LEF1: variants seen among roughly 807,000 people sequenced by gnomAD.
The protein encoded by LEF1 is lymphoid enhancer binding factor 1, also known as lymphoid enhancer-binding factor 1.
LEF1 carries 14 observed loss-of-function variants against 51.2 expected under a neutral mutation model. The ratio of observed to expected loss-of-function variants is 0.27; its 90% CI spans 0.18 to 0.43. LEF1 has a LOEUF of 0.43. Among genes scored for constraint, LEF1 ranks in the 20% least tolerant of loss-of-function variants. The pLI is 1.00. For synonymous variants in LEF1, 185 were observed against 183.2 expected, an observed-to-expected ratio of 1.01 and a Z score of -0.08; for missense variants, 386 against 512.0, an observed-to-expected ratio of 0.75 and a Z score of 2.37.
At chr4:108,050,347 C>T (rs1372018759) in intron 11 of LEF1, among the ~76,000 whole-genome samples, 4 of 152,120 alleles carry the variant, frequency 2.6e-5, no homozygotes, top group Non-Finnish European at 4.4e-5. Flanking sequence ...CTGGTGGAGC[C>T]GGAAGTGCAG....
intron 4 of LEF1, 63 bp from the exon 5 acceptor site, chr4:108,083,509 C>T (rs1739451684): frequency 2.8e-6 from 3 of 1,068,454 alleles, no homozygotes; most frequent in African/African-American, 1.6e-5. Context: ...AGAAATGCAA[C>T]TACATGTTTT....
intron 3 of LEF1, among the ~76,000 whole-genome samples, chr4:108,099,570 G>GTATATATATA (rs551521155): frequency 1.9e-4 from 13 of 70,196 alleles, no homozygotes; most frequent in East Asian, 1.5e-3. Context: ...GTGTGTGTGT[G>GTATATATATA]TATATATATA....
chr4:108,071,147 T>G (rs531101560), intron 8 of LEF1, among the ~76,000 whole-genome samples: 14 of 152,364 alleles, frequency 9.2e-5, no homozygotes, highest in African/African-American at 3.4e-4. Context: ...TTCTGATATC[T>G]GAGCCCAAGT....
chr4:108,092,915 T>G (rs1269822645), intron 3 of LEF1, among the ~76,000 whole-genome samples: 3 of 16,152 alleles, frequency 1.9e-4, no homozygotes, highest in Non-Finnish European at 2.6e-4. Flanking sequence ...ACAATGAATA[T>G]GTAAAAAAAA....
At chr4:108,161,090 A>C (rs996528044) in intron 3 of LEF1, among the ~76,000 whole-genome samples, 3 of 152,224 alleles carry the variant, frequency 2.0e-5, no homozygotes, top group Non-Finnish European at 4.4e-5. Context: ...TAGTGACACA[A>C]ACACTCAGCC....
Position 108,112,935 on chromosome 4 carries a change from C to T in LEF1, c.415-23678G>A, listed in dbSNP as rs988709750. Among the ~76,000 whole-genome samples the T allele has an allele frequency of 3.9e-5, 6 of 152,200 alleles. No homozygotes were observed. In the East Asian group the frequency reaches 1.2e-3, roughly 29 times the overall value. The stretch of plus-strand genomic sequence containing the variant: ...ACATCCCCCAGCTACCCATTAAGTA[C>T]ACCATTAGACAATGTCATCAAAGCA... On this transcript the variant is annotated intron_variant, in intron 3 of 11. Transcript: ENST00000265165.
At chr4:108,068,177 G>A (rs1738208943) in intron 9 of LEF1, among the ~76,000 whole-genome samples, 1 of 152,060 alleles carries the variant, frequency 6.6e-6, no homozygotes, top group Admixed American at 6.5e-5. Context: ...TGAGGCTGGA[G>A]AATCGCTTAA....
chr4:108,117,771 G>C (rs1250148246), intron 3 of LEF1, among the ~76,000 whole-genome samples: 1 of 152,202 alleles, frequency 6.6e-6, no homozygotes, highest in Non-Finnish European at 1.5e-5. Flanking sequence ...CCCAGCAATG[G>C]GCAGCTCGCC....
chr4:108,122,199 T>G (rs72660430), intron 3 of LEF1, among the ~76,000 whole-genome samples: 1,952 of 152,314 alleles, frequency 0.013, 19 homozygotes, highest in Middle Eastern at 0.02. Context: ...TAGAGATAAG[T>G]TGAAATCTCT....
At chr4:108,076,110 C>T (rs977786559) in intron 8 of LEF1, among the ~76,000 whole-genome samples, 2 of 152,192 alleles carry the variant, frequency 1.3e-5, no homozygotes, top group Non-Finnish European at 2.9e-5. Context: ...TCTCCCCATT[C>T]GTCTCTACTT....
chr4:108,122,529 G>T (rs1481650059), intron 3 of LEF1, among the ~76,000 whole-genome samples: 1 of 152,174 alleles, frequency 6.6e-6, no homozygotes, highest in African/African-American at 2.4e-5. Flanking sequence ...CCAGGCTGGA[G>T]TGCAGTGGTT....
At chr4:108,115,543 T>C (rs905043024) in intron 3 of LEF1, among the ~76,000 whole-genome samples, 2 of 152,182 alleles carry the variant, frequency 1.3e-5, no homozygotes, top group African/African-American at 4.8e-5. Context: ...GAATAGATAA[T>C]TGCTATCAAA....
At chr4:108,136,064 A>C (rs543604879) in intron 3 of LEF1, among the ~76,000 whole-genome samples, 2 of 152,344 alleles carry the variant, frequency 1.3e-5, no homozygotes, top group South Asian at 2.1e-4. Flanking sequence ...AAAATAATGA[A>C]ATCTTTCAAG....
chr4:108,078,204 T>C lies in LEF1; in HGVS notation c.1008+16A>G, dbSNP rs763665005. The C allele has an allele frequency of 1.2e-6, 2 of 1,612,858 alleles. No homozygotes were observed. The highest frequency in any genetic ancestry group is 2.2e-5 in the South Asian group (2 of 90,938). ...CATGGCTACCATGAACATTTACACATGACTCGGCTACTTACCCTTCTGCCA... is the reference window on the plus strand; with the variant it reads ...CATGGCTACCATGAACATTTACACACGACTCGGCTACTTACCCTTCTGCCA... On this transcript the variant is annotated intron_variant, in intron 8 of 11. Transcript: ENST00000265165.
intron 3 of LEF1, among the ~76,000 whole-genome samples, chr4:108,122,464 G>A (rs1358474603): frequency 1.3e-5 from 2 of 151,718 alleles, no homozygotes; most frequent in African/African-American, 4.8e-5. Context: ...CTAATCTGCT[G>A]TTACCACCCA....
At chr4:108,108,800 C>T (rs904830424) in intron 3 of LEF1, among the ~76,000 whole-genome samples, 1 of 152,190 alleles carries the variant, frequency 6.6e-6, no homozygotes, top group Non-Finnish European at 1.5e-5. Context: ...AGCAAACGAG[C>T]TCTTCCTGTT....
chr4:108,063,862 T>C (rs1000580907), intron 10 of LEF1, among the ~76,000 whole-genome samples, 199 bp from the exon 11 acceptor site: 1 of 152,244 alleles, frequency 6.6e-6, no homozygotes, highest in Non-Finnish European at 1.5e-5. Flanking sequence ...ACCTCACTGA[T>C]GTCTTGAATT....
At chr4:108,057,645 C>T (rs544420319) in intron 11 of LEF1, among the ~76,000 whole-genome samples, 3 of 152,016 alleles carry the variant, frequency 2.0e-5, no homozygotes, top group Non-Finnish European at 4.4e-5. Flanking sequence ...TTCACAGGAC[C>T]CAGGAGCCCC....
At chr4:108,049,929 T>C (rs2126250484) in intron 11 of LEF1, among the ~76,000 whole-genome samples, 1 of 152,328 alleles carries the variant, frequency 6.6e-6, no homozygotes, top group African/African-American at 2.4e-5. Flanking sequence ...CTTCAGGCTT[T>C]TGGAAAGAGA....
Sources: gnomAD v4.1 joint callset for allele counts (sites outside exome capture counted in the v4.1 genomes callset) on GRCh38, gnomAD v4.1.1 for gene constraint, MANE v1.5 for transcripts, NCBI Gene and HGNC (gene_info 2026-07-23, HGNC 2026-07-21) for gene names.